Variants in TERF1 observed in about 807,000 individuals in gnomAD.
TERF1 encodes telomeric repeat binding factor 1.
TERF1 carries 20 observed loss-of-function variants against 55.1 expected under a neutral mutation model. The observed-to-expected ratio is 0.36, with a 90% CI of 0.26 to 0.53. The LOEUF (loss-of-function observed/expected upper bound fraction) is 0.53, where lower values mean the gene tolerates loss of function less well. TERF1 is among the 20% of genes least tolerant of loss of function. The pLI is 0.91. For synonymous variants in TERF1, 168 were observed against 181.2 expected (o/e 0.93, Z 0.59); for missense variants, 439 against 535.7 (o/e 0.82, Z 1.78).
At chr8:73,031,996 T>TA (rs754416892) in intron 7 of TERF1, 46 bp from the exon 8 acceptor site, 3 of 1,342,364 alleles carry the variant, frequency 2.2e-6, no homozygotes, top group Non-Finnish European at 3.2e-6. Flanking sequence ...TCCATTGCCT[T>TA]ACTATCTTTC....
chr8:73,031,198 G>T (rs950149482), intron 7 of TERF1: 1 of 152,202 alleles, frequency 6.6e-6, no homozygotes, highest in Non-Finnish European at 1.5e-5. Flanking sequence ...ATAGTTTATG[G>T]AGGGTGGAAG....
chr8:73,027,403 A>G (rs1809058556), intron 6 of TERF1, among the ~76,000 whole-genome samples: 1 of 152,324 alleles, frequency 6.6e-6, no homozygotes, highest in East Asian at 1.9e-4. Flanking sequence ...CTAAGAGTCT[A>G]GTATTTTAAG....
At chr8:73,040,205 T>TA (rs1172350027) in intron 9 of TERF1, among the ~76,000 whole-genome samples, 1 of 152,120 alleles carries the variant, frequency 6.6e-6, no homozygotes, top group Non-Finnish European at 1.5e-5. Flanking sequence ...TTCCCTTTTT[T>TA]AGCCTTGCCA....
chr8:73,024,109 T>C (rs1808880281), intron 4 of TERF1, among the ~76,000 whole-genome samples: 1 of 152,104 alleles, frequency 6.6e-6, no homozygotes, highest in Admixed American at 6.6e-5. Context: ...AAAGCTACTG[T>C]CCAAGAAAAA....
intron 8 of TERF1, among the ~76,000 whole-genome samples, chr8:73,038,018 G>A (rs772280466): frequency 7.5e-4 from 109 of 145,538 alleles, no homozygotes; most frequent in Non-Finnish European, 1.2e-3. Context: ...TGGAACCTGC[G>A]AATATAGAAG....
intron 2 of TERF1, among the ~76,000 whole-genome samples, chr8:73,019,459 A>G (rs945246112): frequency 1.3e-5 from 2 of 152,202 alleles, no homozygotes; most frequent in African/African-American, 2.4e-5. Context: ...TACATTCAAA[A>G]TAAGTTCCAA....
chr8:73,047,469 A>G lies in TERF1; in HGVS notation c.*1332A>G, dbSNP rs1810090227. On this transcript the variant is annotated 3_prime_UTR_variant, in exon 10 of 10. Transcript: ENST00000276603. ...ATCATCTTGATGTCTATGATAGATA[A>G]TAAACAAGGTCATACATACCTTACT... The G allele has an allele frequency of 6.6e-6, 1 of 152,204 alleles. No individual in the cohort carries two copies. Among genetic ancestry groups the G allele is most frequent in the African/African-American group, 2.4e-5 (1 of 41,464 alleles). The allele number at this position is 152,204 out of a possible 1,614,324, so 9.4% of individuals were successfully genotyped here.
At chr8:73,010,284 C>T (rs1419435173) in intron 1 of TERF1, 1 of 152,164 alleles carries the variant, frequency 6.6e-6, no homozygotes, top group East Asian at 1.9e-4. Context: ...TCAGCCCCAT[C>T]CTTTATCTTC....
At chr8:73,029,349 G>A (rs1809176467) in intron 6 of TERF1, among the ~76,000 whole-genome samples, 1 of 152,156 alleles carries the variant, frequency 6.6e-6, no homozygotes, top group Non-Finnish European at 1.5e-5. Flanking sequence ...TAATAGCCAG[G>A]AACAGTGGCT....
At chr8:73,039,795 G>GTGTGTGTGTT (rs1664528761) in intron 9 of TERF1, among the ~76,000 whole-genome samples, 1 of 148,810 alleles carries the variant, frequency 6.7e-6, no homozygotes, top group Non-Finnish European at 1.5e-5. Flanking sequence ...GTGTGTGTGT[G>GTGTGTGTGTT]TGTGTGTGTG....
intron 3 of TERF1, among the ~76,000 whole-genome samples, chr8:73,021,314 C>T (rs1808742115): frequency 6.6e-6 from 1 of 151,956 alleles, no homozygotes; most frequent in South Asian, 2.1e-4. Flanking sequence ...AAGTCATTCC[C>T]CACCTTCCCA....
chr8:73,037,196 TATA>T (rs1809565525), intron 8 of TERF1, among the ~76,000 whole-genome samples: 2 of 135,372 alleles, frequency 1.5e-5, no homozygotes, highest in Non-Finnish European at 3.1e-5. Flanking sequence ...TAATATATAT[TATA>T]TAATATAATT....
chr8:73,025,217 G>A (rs1218333405), intron 5 of TERF1, among the ~76,000 whole-genome samples: 1 of 152,122 alleles, frequency 6.6e-6, no homozygotes, highest in Admixed American at 6.6e-5. Flanking sequence ...GGAAAACTTA[G>A]AATGAATTAA....
chr8:73,035,175 A>G (rs914230877), intron 8 of TERF1, among the ~76,000 whole-genome samples: 1 of 152,182 alleles, frequency 6.6e-6, no homozygotes, highest in African/African-American at 2.4e-5. Flanking sequence ...TAGTTAATCA[A>G]CTTTAGTCTG....
intron 5 of TERF1, among the ~76,000 whole-genome samples, chr8:73,025,251 ATATTT>A (rs763002781): frequency 4.6e-5 from 7 of 152,350 alleles, no homozygotes; most frequent in African/African-American, 1.2e-4. Flanking sequence ...GCAAAAGCAA[ATATTT>A]TAATTTAAGT....
chr8:73,010,993 T>C (rs562453777), intron 1 of TERF1: 1 of 152,336 alleles, frequency 6.6e-6, no homozygotes, highest in South Asian at 2.1e-4. Context: ...AAATATTCAG[T>C]AAACCATGGT....
Position 73,026,685 on chromosome 8 carries a change from G to A in TERF1, c.775-255G>A, listed in dbSNP as rs961980161. ...CTTTTCTCTTAAAATTGCCTAGAGA[G>A]CATTTTGTCTATCAAATATATTTAC... On this transcript the variant is annotated intron_variant, in intron 5 of 9. Transcript: ENST00000276603. 2.7e-5 allele frequency among the ~76,000 whole-genome samples: 4 copies of A among 150,002 alleles called. No homozygotes were observed. In the South Asian group the frequency reaches 8.5e-4, roughly 32 times the overall value.
At chr8:73,017,918 G>T (rs943092504) in intron 2 of TERF1, among the ~76,000 whole-genome samples, 28 of 152,150 alleles carry the variant, frequency 1.8e-4, no homozygotes, top group Admixed American at 1.2e-3. Flanking sequence ...GGCCAGGATG[G>T]TCTCAATTTC....
intron 8 of TERF1, among the ~76,000 whole-genome samples, chr8:73,036,118 A>G (rs1809495625): frequency 1.3e-5 from 2 of 152,374 alleles, no homozygotes; most frequent in South Asian, 2.1e-4. Context: ...GCAGTAAGTT[A>G]TATTTCAGCT....
Sources: gnomAD v4.1 joint callset for allele counts (sites outside exome capture counted in the v4.1 genomes callset) on GRCh38, gnomAD v4.1.1 for gene constraint, MANE v1.5 for transcripts, NCBI Gene and HGNC (gene_info 2026-07-23, HGNC 2026-07-21) for gene names.